Variants in SH2D4A observed in about 807,000 individuals in gnomAD.
The protein encoded by SH2D4A is SH2 domain-containing protein 4A.
A neutral mutation model predicts 64.7 loss-of-function variants in SH2D4A; 70 were observed. The ratio of observed to expected loss-of-function variants is 1.08; its 90% CI spans 0.89 to 1.32. SH2D4A has a LOEUF of 1.32. SH2D4A is among the 40% of genes most tolerant of loss of function. The pLI is 0.00. For synonymous variants in SH2D4A, 268 were observed against 200.7 expected, an observed-to-expected ratio of 1.34 and a Z score of -2.83; for missense variants, 706 against 540.1, an observed-to-expected ratio of 1.31 and a Z score of -3.04.
Position 19,333,076 on chromosome 8 carries a change from G to A in SH2D4A, c.303G>A (p.Arg101=). Residue 101 remains arginine (R), a synonymous_variant, in exon 3 of 10, where the codon AGG becomes AGA. Transcript: ENST00000265807. ...TCTGTAATGAAATTATTGCTGAGAG[G>A]GCCCGGCTGAAAGCAGAACAGGAGG... ...DVLCNEIIAE[R]ARLKAEQEAE... 1 of 1,613,742 alleles carries A rather than the reference G, an allele frequency of 6.2e-7. No individual in the cohort carries two copies. Among genetic ancestry groups the A allele is most frequent in the East Asian group, 2.2e-5 (1 of 44,862 alleles).
chr8:19,357,371 G>A, intron 5 of SH2D4A, 88 bp downstream of exon 5: 1 of 969,092 alleles, frequency 1.0e-6, no homozygotes, highest in Non-Finnish European at 1.6e-6. Context: ...ATCTCATGCA[G>A]AAATGAAATT....
chr8:19,345,073 C>T (rs1277053018), intron 4 of SH2D4A, among the ~76,000 whole-genome samples: 4 of 152,126 alleles, frequency 2.6e-5, no homozygotes, highest in African/African-American at 9.7e-5. Context: ...CTCTGCAGGT[C>T]TTTTGTTTTC....
intron 9 of SH2D4A, 56 bp downstream of exon 9, chr8:19,393,597 T>TAACA (rs913010949): frequency 3.9e-6 from 6 of 1,535,432 alleles, no homozygotes; most frequent in Non-Finnish European, 4.5e-6. Context: ...GTAGCAGCTC[T>TAACA]AACAATGAAT....
At chr8:19,367,801 C>T (rs925090774) in intron 7 of SH2D4A, among the ~76,000 whole-genome samples, 3 of 151,972 alleles carry the variant, frequency 2.0e-5, no homozygotes, top group Non-Finnish European at 2.9e-5. Context: ...TGGGGCTAGG[C>T]GTGGTGGCTC....
chr8:19,319,614 C>T lies in SH2D4A; in HGVS notation c.67C>T (p.Gln23Ter). The change falls in exon 2 of 10, where the codon CAG becomes TAG. Residue 23 changes from glutamine to a stop codon, truncating the protein, a stop_gained. Transcript: ENST00000265807. LOFTEE classifies it high-confidence loss of function. ...PDLLAELSEE[Q>*]KQILFFKMRE... is the part of the protein sequence containing the mutation. ...TCTACTGGCAGAGCTCAGCGAAGAACAGAAACAGATCCTGTTCTTCAAGAT... is the reference window on the plus strand; with the variant it reads ...TCTACTGGCAGAGCTCAGCGAAGAATAGAAACAGATCCTGTTCTTCAAGAT... The T allele has an allele frequency of 6.2e-7, 1 of 1,610,108 alleles. No individual in the cohort carries two copies. The highest frequency in any genetic ancestry group is 8.5e-7 in the Non-Finnish European group (1 of 1,178,548).
At chr8:19,358,071 T>C (rs1168491490) in intron 5 of SH2D4A, among the ~76,000 whole-genome samples, 1 of 152,200 alleles carries the variant, frequency 6.6e-6, no homozygotes, top group Non-Finnish European at 1.5e-5. Flanking sequence ...TGTGGAACTG[T>C]AGTCCTGTGT....
At chr8:19,334,987 C>T (rs1372222604) in intron 4 of SH2D4A, 130 bp downstream of exon 4, 2 of 1,107,858 alleles carry the variant, frequency 1.8e-6, no homozygotes, top group East Asian at 5.3e-5. Context: ...TGCCTCCTAA[C>T]TTTAAGATCC....
intron 4 of SH2D4A, among the ~76,000 whole-genome samples, chr8:19,335,253 A>C (rs2052428984): frequency 1.3e-5 from 2 of 151,498 alleles, no homozygotes; most frequent in Non-Finnish European, 2.9e-5. Context: ...GCGACACTGC[A>C]CTCCAGCACT....
intron 4 of SH2D4A, among the ~76,000 whole-genome samples, chr8:19,352,876 G>A (rs772924821): frequency 1.1e-4 from 16 of 152,138 alleles, no homozygotes; most frequent in Non-Finnish European, 1.9e-4. Context: ...AGGTGTGGTA[G>A]TGCATGCTTG....
intron 8 of SH2D4A, among the ~76,000 whole-genome samples, chr8:19,379,772 T>G (rs957793562): frequency 2.0e-5 from 3 of 152,230 alleles, no homozygotes; most frequent in Admixed American, 6.5e-5. Flanking sequence ...GGTCTTGCTC[T>G]GTTGCCTAGG....
chr8:19,323,831 A>G (rs1439966480), intron 2 of SH2D4A, among the ~76,000 whole-genome samples: 1 of 152,198 alleles, frequency 6.6e-6, no homozygotes, highest in African/African-American at 2.4e-5. Flanking sequence ...ATATTGTCTC[A>G]CTAAATAATC....
chr8:19,376,656 G>A (rs751130911), intron 8 of SH2D4A, among the ~76,000 whole-genome samples: 27 of 151,814 alleles, frequency 1.8e-4, no homozygotes, highest in African/African-American at 3.1e-4. Context: ...AACAAATCTC[G>A]TCCAAAAAAT....
intron 8 of SH2D4A, among the ~76,000 whole-genome samples, chr8:19,380,341 A>T (rs2053271038): frequency 6.6e-6 from 1 of 152,032 alleles, no homozygotes. Flanking sequence ...CTCTGTTGAG[A>T]GTGTCTTTTG....
At chr8:19,331,090 A>C (rs978668083) in intron 2 of SH2D4A, among the ~76,000 whole-genome samples, 2 of 152,190 alleles carry the variant, frequency 1.3e-5, no homozygotes, top group African/African-American at 4.8e-5. Context: ...CCCTCTGCCC[A>C]GCGTCTCTGT....
chr8:19,371,604 A>T (rs1563206125), intron 7 of SH2D4A, among the ~76,000 whole-genome samples: 1 of 151,844 alleles, frequency 6.6e-6, no homozygotes, highest in East Asian at 1.9e-4. Flanking sequence ...TTGGCTATTA[A>T]TTTTTTTCCA....
chr8:19,373,916 G>A (rs2053153040), intron 8 of SH2D4A, among the ~76,000 whole-genome samples: 2 of 152,166 alleles, frequency 1.3e-5, no homozygotes, highest in African/African-American at 4.8e-5. Flanking sequence ...TGCATCAGAT[G>A]GGAGGGCAAA....
At chr8:19,382,610 G>C (rs996636951) in intron 8 of SH2D4A, among the ~76,000 whole-genome samples, 3 of 152,042 alleles carry the variant, frequency 2.0e-5, no homozygotes, top group Non-Finnish European at 2.9e-5. Context: ...TGTAAGTTAG[G>C]TGTATTAAGT....
chr8:19,367,573 T>C (rs554436535), intron 7 of SH2D4A, among the ~76,000 whole-genome samples: 2 of 152,306 alleles, frequency 1.3e-5, no homozygotes, highest in African/African-American at 2.4e-5. Context: ...TTTTTTCTTA[T>C]TTGGATTATT....
chr8:19,334,090 C>A (rs958627169), intron 3 of SH2D4A, among the ~76,000 whole-genome samples: 2 of 152,060 alleles, frequency 1.3e-5, no homozygotes, highest in Admixed American at 1.3e-4. Context: ...CTGCTGGGTA[C>A]CTGGGGTGCT....
Sources: gnomAD v4.1 joint callset for allele counts (sites outside exome capture counted in the v4.1 genomes callset) on GRCh38, gnomAD v4.1.1 for gene constraint, MANE v1.5 for transcripts, NCBI Gene and HGNC (gene_info 2026-07-23, HGNC 2026-07-21) for gene names.